UGT2B15: variants seen among roughly 807,000 people sequenced by gnomAD.
UGT2B15 encodes the protein UDP glucuronosyltransferase family 2 member B15.
In UGT2B15, 36 loss-of-function variants were observed where a neutral mutation model predicts 45.9. That is an observed-to-expected ratio of 0.78 (90% CI 0.60 to 1.04). The LOEUF is 1.04. Among genes scored for constraint, UGT2B15 ranks in the 50% least tolerant of loss-of-function variants. The pLI, the probability that UGT2B15 is intolerant of heterozygous loss-of-function variation, is 0.00. For synonymous variants in UGT2B15, 219 were observed against 216.4 expected (o/e 1.01, Z -0.11); for missense variants, 617 against 622.4 (o/e 0.99, Z 0.09).
At position 68,670,504 on chromosome 4, in the gene UGT2B15, T is replaced by C. The variant is rs1025964703; in HGVS notation, c.115A>G (p.Met39Val). The C allele has an allele frequency of 1.9e-6, 3 of 1,613,848 alleles. No individual in the cohort carries two copies. In the African/African-American group the frequency reaches 4.0e-5, roughly 22 times the overall value. The change falls in exon 1 of 6, where the codon ATG becomes GTG. Residue 39 changes from methionine to valine, a missense_variant. Transcript: ENST00000338206. ...ACAAGCTCTTCCAGGATTGTCTTCA[T>C]ATTTATCCAATGGCTGTATTCTGTG... is the stretch of plus-strand genomic sequence containing the variant. ...WPTEYSHWIN[M>V]KTILEELVQR...
intron 2 of UGT2B15, among the ~76,000 whole-genome samples, chr4:68,664,781 G>T (rs1440980790): frequency 6.6e-6 from 1 of 151,944 alleles, no homozygotes; most frequent in African/African-American, 2.4e-5. Flanking sequence ...GGCCAGACTG[G>T]TCTTGACCTC....
intron 3 of UGT2B15, among the ~76,000 whole-genome samples, chr4:68,661,482 A>C (rs1008392257): frequency 1.3e-5 from 2 of 151,976 alleles, no homozygotes; most frequent in Non-Finnish European, 2.9e-5. Flanking sequence ...CTATATATTT[A>C]TTTTATATAC....
chr4:68,666,750 A>ATTTTTTTT (rs1327859346), intron 2 of UGT2B15, among the ~76,000 whole-genome samples: 57 of 120,576 alleles, frequency 4.7e-4, no homozygotes, highest in African/African-American at 1.7e-3. Context: ...ATATATATAT[A>ATTTTTTTT]TATTTTTTTT....
intron 3 of UGT2B15, among the ~76,000 whole-genome samples, chr4:68,662,571 T>G (rs1247808317): frequency 6.7e-6 from 1 of 148,816 alleles, no homozygotes; most frequent in African/African-American, 2.5e-5. Context: ...ATGATGCATT[T>G]CAAAGTTTTT....
At chr4:68,664,454 T>C (rs189999040) in intron 2 of UGT2B15, among the ~76,000 whole-genome samples, 14 of 152,186 alleles carry the variant, frequency 9.2e-5, no homozygotes, top group African/African-American at 3.4e-4. Flanking sequence ...GTCCTAATCA[T>C]TGGGGGAAAT....
intron 5 of UGT2B15, among the ~76,000 whole-genome samples, chr4:68,648,736 T>G (rs955818581): frequency 1.3e-5 from 2 of 152,110 alleles, no homozygotes; most frequent in Non-Finnish European, 2.9e-5. Context: ...AGTCACTATT[T>G]TTATCCTCAA....
chr4:68,657,604 C>T (rs2109826924), intron 3 of UGT2B15, among the ~76,000 whole-genome samples: 1 of 152,200 alleles, frequency 6.6e-6, no homozygotes, highest in East Asian at 1.9e-4. Flanking sequence ...TATGACACCT[C>T]TACTTGGCAG....
intron 2 of UGT2B15, among the ~76,000 whole-genome samples, chr4:68,666,983 G>A (rs1001138323): frequency 6.6e-6 from 1 of 151,762 alleles, no homozygotes; most frequent in Non-Finnish European, 1.5e-5. Flanking sequence ...CTGACCTCAG[G>A]TGATCCACCT....
At position 68,663,050 on chromosome 4, in the gene UGT2B15, A is replaced by T; in HGVS notation, c.963T>A (p.Ser321Arg). 1 of 1,556,106 alleles carries T rather than the reference A, an allele frequency of 6.4e-7. No homozygotes were observed. The highest frequency in any genetic ancestry group is 2.3e-5 in the East Asian group (1 of 42,784). The stretch of plus-strand genomic sequence containing the variant: ...CAAGGGCTGATGCAATCATGTTGGC[A>T]CTTTCTTCTGACATGTTACTGATCA... ...GSMISNMSEESANMIASALAQ... is the reference protein window; with the variant it reads ...GSMISNMSEERANMIASALAQ... Residue 321 changes from serine to arginine, a missense_variant, in exon 3 of 6, where the codon AGT (serine) becomes AGA (arginine). Coordinates refer to ENST00000338206, the MANE Select transcript of UGT2B15 (RefSeq NM_001076.4).
chr4:68,663,849 T>C (rs184951455), intron 2 of UGT2B15, among the ~76,000 whole-genome samples: 7 of 151,762 alleles, frequency 4.6e-5, no homozygotes, highest in African/African-American at 9.7e-5. Context: ...TTGGAATTTC[T>C]GGGAAATAGT....
In UGT2B15 at chr4:68,647,376, C is replaced by A. The variant is rs755611274; in HGVS notation, c.1321G>T (p.Glu441Ter). The change falls in exon 6 of 6, where the codon GAG becomes TAG. Residue 441 changes from glutamate to a stop codon, truncating the protein, a stop_gained. Transcript: ENST00000338206. LOFTEE classifies it low-confidence loss of function (END_TRUNC). ...KSVINDPVYK[E>*]NVMKLSRIHH... ...ATTCTTGATAATTTCATGACATTCT[C>A]TTTATAGCTGAAGGATAAATATAAA... is the stretch of plus-strand genomic sequence containing the variant. The A allele has an allele frequency of 5.6e-6, 9 of 1,611,198 alleles. No individual in the cohort carries two copies. The Admixed American group carries it at 8.4e-5, about 15-fold the overall frequency.
chr4:68,654,674 G>T (rs890094605), intron 4 of UGT2B15, among the ~76,000 whole-genome samples: 3 of 151,958 alleles, frequency 2.0e-5, no homozygotes, highest in African/African-American at 4.8e-5. Flanking sequence ...ATTTTATCAT[G>T]ATAAAGATTG....
rs1319544905 is a variant in UGT2B15, at chr4:68,647,378, T to C, written c.1319A>G (p.Lys440Arg). 2 of 1,611,520 alleles carry C rather than the reference T, an allele frequency of 1.2e-6. No individual in the cohort carries two copies. Among genetic ancestry groups the C allele is most frequent in the East Asian group, 4.5e-5 (2 of 44,874 alleles). The change falls in exon 6 of 6, where the codon AAA becomes AGA. Residue 440 changes from lysine to arginine, a missense_variant. Lys to Arg is a conservative substitution (Grantham distance 26). Transcript: ENST00000338206. ...TCTTGATAATTTCATGACATTCTCT[T>C]TATAGCTGAAGGATAAATATAAAGA... The part of the protein sequence containing the change: ...LKSVINDPVY[K>R]ENVMKLSRIH...
At chr4:68,654,542 T>TA (rs1027943062) in intron 4 of UGT2B15, among the ~76,000 whole-genome samples, 1 of 151,810 alleles carries the variant, frequency 6.6e-6, no homozygotes, top group Non-Finnish European at 1.5e-5. Flanking sequence ...TTTACATATT[T>TA]AAAAAATATT....
At position 68,648,368 on chromosome 4, in the gene UGT2B15, GT is replaced by G. The variant is rs201750807; in HGVS notation, c.1314-986del. ...TCACCTTAGCCCCTTTACACCTTTT[GT>G]TCCCCGTGTCTCTCTCATTGAGCAT... On this transcript the variant is annotated intron_variant, in intron 5 of 5. Transcript: ENST00000338206. Among the ~76,000 whole-genome samples the G allele has an allele frequency of 5.8e-3, 875 of 151,970 alleles. 11 individuals carry two copies. The highest frequency in any genetic ancestry group is 0.02 in the African/African-American group (816 of 41,446).
At chr4:68,666,057 G>GTCC (rs4148272) in intron 2 of UGT2B15, among the ~76,000 whole-genome samples, 47,902 of 151,682 alleles carry the variant, frequency 0.32, 7,671 homozygotes, top group Middle Eastern at 0.35. Flanking sequence ...TTTATCCCTT[G>GTCC]TCCTTATTCT....
intron 2 of UGT2B15, among the ~76,000 whole-genome samples, chr4:68,667,076 G>T (rs1733153370): frequency 6.6e-6 from 1 of 150,668 alleles, no homozygotes; most frequent in Non-Finnish European, 1.5e-5. Context: ...ACCTTTTCCT[G>T]TAAATTAAAT....
chr4:68,655,610 T>G (rs1045284472), intron 3 of UGT2B15, among the ~76,000 whole-genome samples: 1 of 152,090 alleles, frequency 6.6e-6, no homozygotes, highest in African/African-American at 2.4e-5. Flanking sequence ...CTCAAAGGAA[T>G]TCAGCTATTT....
At chr4:68,669,565 A>G (rs190828443) in intron 1 of UGT2B15, among the ~76,000 whole-genome samples, 368 of 152,290 alleles carry the variant, frequency 2.4e-3, no homozygotes, top group Non-Finnish European at 4.2e-3. Context: ...TGCCTTCATG[A>G]AGATGTTTCT....
Sources: allele counts gnomAD v4.1 joint callset (sites outside exome capture counted in the v4.1 genomes callset), GRCh38; gene constraint gnomAD v4.1.1; transcripts MANE v1.5; gene names NCBI Gene and HGNC (gene_info 2026-07-23, HGNC 2026-07-21).